PIK3CB: variants seen among roughly 807,000 people sequenced by gnomAD.
PIK3CB encodes phosphatidylinositol 4,5-bisphosphate 3-kinase catalytic subunit beta isoform.
Under a neutral mutation model 136.8 loss-of-function variants are expected in PIK3CB, and 39 were observed. The observed-to-expected ratio is 0.29, with a 90% confidence interval of 0.22 to 0.37. The LOEUF (loss-of-function observed/expected upper bound fraction) is 0.37. Among genes scored for constraint, PIK3CB ranks in the 10% least tolerant of loss-of-function variants. The pLI is 1.00. For synonymous variants in PIK3CB, 428 were observed against 436.6 expected (o/e 0.98, Z 0.25); for missense variants, 868 against 1,275.4 (o/e 0.68, Z 4.87).
At chr3:138,826,093 G>C (rs1488227020) in intron 1 of PIK3CB, 2 of 1,063,358 alleles carry the variant, frequency 1.9e-6, no homozygotes, top group Non-Finnish European at 2.8e-6. Context: ...CACCATTCTA[G>C]TAAGAAGCTG....
intron 23 of PIK3CB, 34 bp downstream of exon 23, chr3:138,656,108 A>G (rs770444551): frequency 6.2e-7 from 1 of 1,607,054 alleles, no homozygotes; most frequent in Non-Finnish European, 8.5e-7. Flanking sequence ...CAATGCCCAC[A>G]AAGTCCAAGA....
At chr3:138,789,180 G>A (rs908845083) in intron 2 of PIK3CB, among the ~76,000 whole-genome samples, 2 of 152,138 alleles carry the variant, frequency 1.3e-5, no homozygotes, top group African/African-American at 4.8e-5. Context: ...TGTAATCCCA[G>A]CATGATATTG....
intron 8 of PIK3CB, among the ~76,000 whole-genome samples, chr3:138,727,274 G>T (rs1045049606): frequency 6.6e-6 from 1 of 152,176 alleles, no homozygotes; most frequent in Admixed American, 6.5e-5. Context: ...TGGATTAGAC[G>T]CCTGTGATTA....
chr3:138,777,824 T>A (rs2045877084), intron 2 of PIK3CB: 1 of 205,518 alleles, frequency 4.9e-6, no homozygotes, highest in African/African-American at 2.3e-5. Flanking sequence ...CCCTGAGACA[T>A]CACAATGAAA....
rs542131558 is a variant in PIK3CB at position 138,684,613 on chromosome 3, A to G, written c.2315+12T>C. The G allele has an allele frequency of 2.5e-6, 4 of 1,581,944 alleles. No individual in the cohort carries two copies. In the African/African-American group the frequency reaches 5.4e-5, roughly 21 times the overall value. On this transcript the variant is annotated intron_variant, in intron 17 of 23. Coordinates refer to ENST00000674063, the MANE Select transcript of PIK3CB (RefSeq NM_006219.3). The stretch of plus-strand genomic sequence containing the variant: ...TCATAGGAGATTCACTGCGCAAAGC[A>G]CAGTCACTTACTAGAGTTCTGAGAG...
chr3:138,670,961 A>T (rs754220691), intron 19 of PIK3CB, among the ~76,000 whole-genome samples: 27 of 152,004 alleles, frequency 1.8e-4, no homozygotes, highest in Middle Eastern at 3.4e-3. Context: ...TTCTTTTTTT[A>T]AAAAAAAGGA....
chr3:138,726,999 C>T (rs76377600), intron 8 of PIK3CB, among the ~76,000 whole-genome samples: 4,706 of 151,946 alleles, frequency 0.031, 247 homozygotes, highest in African/African-American at 0.11. Flanking sequence ...TGCAGTGAGC[C>T]GTGTTTATCC....
chr3:138,820,678 G>C (rs1019669149), intron 1 of PIK3CB, among the ~76,000 whole-genome samples: 1 of 152,054 alleles, frequency 6.6e-6, no homozygotes, highest in African/African-American at 2.4e-5. Flanking sequence ...ACTTTTATTA[G>C]AGACAGGGTT....
At chr3:138,813,328 A>C (rs1175535429) in intron 1 of PIK3CB, among the ~76,000 whole-genome samples, 1 of 151,966 alleles carries the variant, frequency 6.6e-6, no homozygotes, top group Non-Finnish European at 1.5e-5. Context: ...GATCTAAAAA[A>C]CCTCAGAGTC....
chr3:138,763,095 C>A (rs1210589562), intron 2 of PIK3CB, among the ~76,000 whole-genome samples: 1 of 113,198 alleles, frequency 8.8e-6, no homozygotes, highest in Admixed American at 1.0e-4. Context: ...GAGCTGCCAA[C>A]AAAAGCTGGA....
chr3:138,826,935 T>C (rs1933810648), intron 1 of PIK3CB, among the ~76,000 whole-genome samples: 1 of 151,940 alleles, frequency 6.6e-6, no homozygotes, highest in Non-Finnish European at 1.5e-5. Context: ...TGGGCGTGGT[T>C]GTGGGCACCT....
At chr3:138,798,217 T>C (rs1303997047) in intron 1 of PIK3CB, among the ~76,000 whole-genome samples, 1 of 152,088 alleles carries the variant, frequency 6.6e-6, no homozygotes. Flanking sequence ...CAGGCTGAAG[T>C]GTGGTGGCAC....
At chr3:138,808,817 G>A (rs1432589183) in intron 1 of PIK3CB, among the ~76,000 whole-genome samples, 1 of 151,252 alleles carries the variant, frequency 6.6e-6, no homozygotes, top group Non-Finnish European at 1.5e-5. Context: ...AGTTTTATAT[G>A]TGAATATATT....
chr3:138,833,550 G>A (rs1369734817), intron 1 of PIK3CB, among the ~76,000 whole-genome samples: 1 of 152,076 alleles, frequency 6.6e-6, no homozygotes, highest in African/African-American at 2.4e-5. Flanking sequence ...TGACTCGTTG[G>A]AGACAATTTT....
At chr3:138,817,688 C>G (rs1315109963) in intron 1 of PIK3CB, among the ~76,000 whole-genome samples, 1 of 152,112 alleles carries the variant, frequency 6.6e-6, no homozygotes, top group African/African-American at 2.4e-5. Flanking sequence ...AACCTTGATG[C>G]TAGGGGAACT....
chr3:138,734,940 T>TAA, intron 6 of PIK3CB, 136 bp from the exon 7 acceptor site: 1 of 268,538 alleles, frequency 3.7e-6, no homozygotes, highest in African/African-American at 2.3e-5. Context: ...ATCAAGAAAT[T>TAA]AAAAAAAAAA....
At chr3:138,815,357 A>C (rs1179689184) in intron 1 of PIK3CB, among the ~76,000 whole-genome samples, 2 of 126,330 alleles carry the variant, frequency 1.6e-5, no homozygotes, top group East Asian at 4.2e-4. Context: ...ATCCTGTCTC[A>C]AAAAAAAAAA....
At chr3:138,752,827 A>G (rs1043028139) in intron 4 of PIK3CB, among the ~76,000 whole-genome samples, 8 of 152,232 alleles carry the variant, frequency 5.3e-5, no homozygotes, top group African/African-American at 1.9e-4. Context: ...GCGCAATTCA[A>G]TGTGAATTTT....
chr3:138,688,326 C>G (rs1184233181), intron 16 of PIK3CB, among the ~76,000 whole-genome samples: 1 of 151,782 alleles, frequency 6.6e-6, no homozygotes, highest in Non-Finnish European at 1.5e-5. Context: ...ACAGTGAAAC[C>G]CTGTCTCTAC....
Sources: allele counts gnomAD v4.1 joint callset (sites outside exome capture counted in the v4.1 genomes callset), GRCh38; gene constraint gnomAD v4.1.1; transcripts MANE v1.5; gene names NCBI Gene and HGNC (gene_info 2026-07-23, HGNC 2026-07-21).